USP35: variants seen among roughly 807,000 people sequenced by gnomAD.
The protein encoded by USP35 is ubiquitin carboxyl-terminal hydrolase 35.
A neutral mutation model predicts 83.8 loss-of-function variants in USP35; 69 were observed. The observed-to-expected ratio is 0.82, with a 90% confidence interval of 0.68 to 1.01. The LOEUF (loss-of-function observed/expected upper bound fraction) is 1.01, where lower values mean the gene tolerates loss of function less well. USP35 is among the 50% of genes least tolerant of loss of function. USP35 has a pLI of 0.00. For synonymous variants in USP35, 714 were observed against 589.5 expected (o/e 1.21, Z -3.06); for missense variants, 1,503 against 1,362.5 (o/e 1.10, Z -1.62).
the USP35 span, among the ~76,000 whole-genome samples, chr11:78,233,982 TAC>T: frequency 3.9e-5 from 6 of 152,354 alleles, no homozygotes; most frequent in South Asian, 2.1e-4. Flanking sequence ...CACCAAAAAC[TAC>T]AGTTTTTTCT....
chr11:78,231,156 T>C, the USP35 span, among the ~76,000 whole-genome samples: 1 of 152,118 alleles, frequency 6.6e-6, no homozygotes, highest in Non-Finnish European at 1.5e-5. Context: ...AGGAAGATAC[T>C]CAAACACAAG....
the USP35 span, chr11:78,220,536 C>A: frequency 8.9e-7 from 1 of 1,118,374 alleles, no homozygotes. Flanking sequence ...AACACTGTTT[C>A]CCTGAGCCCT....
At chr11:78,189,763 T>A (rs1862945705) in intron 1 of USP35, among the ~76,000 whole-genome samples, 1 of 152,210 alleles carries the variant, frequency 6.6e-6, no homozygotes, top group Admixed American at 6.5e-5. Context: ...CTTTCTTCCC[T>A]TCTCTCTCCT....
intron 6 of USP35, 140 bp from the exon 7 acceptor site, chr11:78,205,702 A>C: frequency 2.3e-6 from 2 of 869,194 alleles, no homozygotes; most frequent in Non-Finnish European, 3.5e-6. Context: ...GTTCACACAC[A>C]CCCCAGAACA....
At chr11:78,203,778 CTG>C (rs1314868409) in intron 6 of USP35, among the ~76,000 whole-genome samples, 1 of 151,118 alleles carries the variant, frequency 6.6e-6, no homozygotes, top group Non-Finnish European at 1.5e-5. Context: ...TGGGGTTTCA[CTG>C]TGTTAGCCAG....
the USP35 span, chr11:78,225,316 C>T: frequency 1.5e-6 from 1 of 657,356 alleles, no homozygotes; most frequent in Non-Finnish European, 2.7e-6. Flanking sequence ...AGATACTACT[C>T]TCAACCCCAA....
At chr11:78,194,024 G>A (rs886164113) in intron 1 of USP35, among the ~76,000 whole-genome samples, 2 of 152,158 alleles carry the variant, frequency 1.3e-5, no homozygotes, top group Non-Finnish European at 1.5e-5. Context: ...GAGCCACCGC[G>A]CCCGGCCGCA....
chr11:78,212,136 C>T (rs550781257), intron 10 of USP35, among the ~76,000 whole-genome samples: 6 of 152,220 alleles, frequency 3.9e-5, no homozygotes, highest in Non-Finnish European at 7.4e-5. Flanking sequence ...AGGAGGGGGT[C>T]GAATGTCAAC....
At chr11:78,229,645 T>G in the USP35 span, among the ~76,000 whole-genome samples, 2 of 152,220 alleles carry the variant, frequency 1.3e-5, no homozygotes, top group African/African-American at 4.8e-5. Context: ...AACTTCCCAG[T>G]GTAAACATTT....
chr11:78,210,441 C>T lies in USP35; in HGVS notation c.2586C>T (p.His862=). The change falls in exon 10 of 11, where the codon CAC becomes CAT. Residue 862 remains histidine (H), a synonymous_variant. Coordinates refer to ENST00000529308, the MANE Select transcript of USP35 (RefSeq NM_020798.4). ...CTGGAGTGTCTTCGGAGAGTGGTCA[C>T]TACTACTGCTATGCCCGTGAGGGCG... The part of the protein sequence containing the change: ...VHSGVSSESG[H]YYCYAREGAA... 1 of 1,614,232 alleles carries T rather than the reference C, an allele frequency of 6.2e-7. No homozygotes were observed. Among genetic ancestry groups the T allele is most frequent in the Non-Finnish European group, 8.5e-7 (1 of 1,180,048 alleles).
At chr11:78,216,790 G>A (rs1490679978), downstream of USP35, 2 of 152,278 alleles carry the variant, frequency 1.3e-5, no homozygotes, top group Non-Finnish European at 2.9e-5. Flanking sequence ...TACAGGGAAG[G>A]CACCAGTTAA....
intron 6 of USP35, among the ~76,000 whole-genome samples, 194 bp downstream of exon 6, chr11:78,201,002 C>T (rs1863339864): frequency 6.6e-6 from 1 of 152,228 alleles, no homozygotes; most frequent in African/African-American, 2.4e-5. Context: ...GGCTGGGCTG[C>T]CTCATGGCTG....
chr11:78,213,134 G>A (rs114954350), intron 10 of USP35, among the ~76,000 whole-genome samples: 172 of 152,334 alleles, frequency 1.1e-3, no homozygotes, highest in African/African-American at 4.0e-3. Flanking sequence ...CAAGGACACA[G>A]CCTATGTGCT....
At position 78,210,336 on chromosome 11, in the gene USP35, C is replaced by T; in HGVS notation, c.2481C>T (p.Val827=). The T allele has an allele frequency of 6.2e-7, 1 of 1,612,766 alleles. No individual in the cohort carries two copies. The highest frequency in any genetic ancestry group is 1.1e-5 in the South Asian group (1 of 91,086). ...GGCGCCGCAAGATCCTGGATGACGT[C>T]TCCATCCCCCTGCTGCTCCGCCTGC... is the stretch of plus-strand genomic sequence containing the variant. ...TMRRRKILDD[V]SIPLLLRLPL... Residue 827 remains valine, a synonymous_variant, in exon 10 of 11, where the codon GTC becomes GTT. Coordinates refer to ENST00000529308, the MANE Select transcript of USP35 (RefSeq NM_020798.4).
At position 78,215,229 on chromosome 11, in the gene USP35, C is replaced by T. The variant is rs992160219; in HGVS notation, c.*1416C>T. On this transcript the variant is annotated 3_prime_UTR_variant, in exon 11 of 11. Coordinates refer to ENST00000529308, the MANE Select transcript of USP35 (RefSeq NM_020798.4). Reference sequence around the variant, plus strand: ...TTTCCAAATAAAGCAAAAATTGGAACAGACTGGAGTGAGAACGGGTTCCAC... The same window carrying T: ...TTTCCAAATAAAGCAAAAATTGGAATAGACTGGAGTGAGAACGGGTTCCAC... 2.0e-5 allele frequency: 3 copies of T among 152,420 alleles called. No homozygotes were observed. Among genetic ancestry groups the T allele is most frequent in the Non-Finnish European group, 4.4e-5 (3 of 67,972 alleles). The allele number at this position is 152,420 out of a possible 1,614,324, so 9.4% of individuals were successfully genotyped here.
At position 78,210,040 on chromosome 11, in the gene USP35, C is replaced by CA; in HGVS notation, c.2186dup (p.Glu730GlyfsTer27). ...GAAGGAGACAGAAAAGGAGGCTGAG[C>CA]AGGAAAAGGAAGAAGACAGCCTGGG... On this transcript the variant is annotated frameshift_variant, in exon 10 of 11. Coordinates refer to ENST00000529308, the MANE Select transcript of USP35 (RefSeq NM_020798.4). LOFTEE classifies it high-confidence loss of function. 1 of 1,613,778 alleles carries CA rather than the reference C, an allele frequency of 6.2e-7. No homozygotes were observed. The highest frequency in any genetic ancestry group is 8.5e-7 in the Non-Finnish European group (1 of 1,179,872).
At chr11:78,224,958 A>G in the USP35 span, 2 of 606,168 alleles carry the variant, frequency 3.3e-6, no homozygotes, top group Non-Finnish European at 5.9e-6. Context: ...CAAAGACTCA[A>G]CGCAGGGTTC....
At chr11:78,203,230 T>C (rs1473973824) in intron 6 of USP35, among the ~76,000 whole-genome samples, 1 of 152,068 alleles carries the variant, frequency 6.6e-6, no homozygotes, top group Non-Finnish European at 1.5e-5. Context: ...GAAAGCTTCA[T>C]AGAGAAGGGA....
At chr11:78,198,150 C>T (rs1443762146) in intron 3 of USP35, 82 bp downstream of exon 3, 7 of 1,584,822 alleles carry the variant, frequency 4.4e-6, no homozygotes, top group Admixed American at 3.4e-5. Flanking sequence ...CTGGGTGGGC[C>T]GCTGGGCTAG....
Sources: gnomAD v4.1 joint callset for allele counts (sites outside exome capture counted in the v4.1 genomes callset) on GRCh38, gnomAD v4.1.1 for gene constraint, MANE v1.5 for transcripts, NCBI Gene and HGNC (gene_info 2026-07-23, HGNC 2026-07-21) for gene names.